Variants in RPS6KC1 observed in about 807,000 individuals in gnomAD.
RPS6KC1 encodes the protein inactive ribosomal protein S6 kinase delta-1.
A neutral mutation model predicts 103.8 loss-of-function variants in RPS6KC1; 54 were observed. The observed-to-expected ratio is 0.52, with a 90% CI of 0.42 to 0.65. RPS6KC1 has a LOEUF of 0.65. RPS6KC1 is among the 30% of genes least tolerant of loss of function. RPS6KC1 has a pLI of 0.00. For synonymous variants in RPS6KC1, 439 were observed against 438.7 expected, an observed-to-expected ratio of 1.00 and a Z score of -0.01; for missense variants, 1,151 against 1,253.8, an observed-to-expected ratio of 0.92 and a Z score of 1.24.
In RPS6KC1 at chr1:213,152,351, G is replaced by A. The variant is rs545580309; in HGVS notation, c.836-15507G>A. On this transcript the variant is annotated intron_variant, in intron 6 of 14. Transcript: ENST00000366960. ...GGCTGACCCCCCCCACCTCCCTCCC[G>A]GACGGGGCGGCTGATGGGGCGGGGG... is the stretch of plus-strand genomic sequence containing the variant. Among the ~76,000 whole-genome samples the A allele has an allele frequency of 8.7e-3, 1,268 of 146,338 alleles. 12 individuals are homozygous for A. The highest frequency in any genetic ancestry group is 0.03 in the African/African-American group (1,207 of 40,708).
the RPS6KC1 span, among the ~76,000 whole-genome samples, chr1:213,859,792 CAATATAGT>C: frequency 2.6e-5 from 4 of 152,146 alleles, no homozygotes; most frequent in Non-Finnish European, 4.4e-5. Context: ...TTTTCTCAAT[CAATATAGT>C]AACACTGCTT....
chr1:213,426,500 A>G, the RPS6KC1 span, among the ~76,000 whole-genome samples: 1 of 152,170 alleles, frequency 6.6e-6, no homozygotes, highest in Non-Finnish European at 1.5e-5. Context: ...TTATTTGTAT[A>G]TCCTTCTATG....
the RPS6KC1 span, among the ~76,000 whole-genome samples, chr1:213,414,583 G>A: frequency 4.6e-5 from 7 of 152,286 alleles, no homozygotes; most frequent in South Asian, 6.2e-4. Flanking sequence ...GTCCCACAGA[G>A]CCTCCAGGAG....
the RPS6KC1 span, among the ~76,000 whole-genome samples, chr1:213,733,644 C>T: frequency 6.9e-6 from 1 of 144,264 alleles, no homozygotes; most frequent in Non-Finnish European, 1.5e-5. Flanking sequence ...AGGTTGGAAA[C>T]TTGACAATTT....
chr1:213,347,108 T>C, the RPS6KC1 span, among the ~76,000 whole-genome samples: 1 of 152,150 alleles, frequency 6.6e-6, no homozygotes, highest in African/African-American at 2.4e-5. Context: ...TTTTCACAGG[T>C]ACAAAAACTA....
chr1:213,707,803 T>G, the RPS6KC1 span, among the ~76,000 whole-genome samples: 1 of 152,352 alleles, frequency 6.6e-6, no homozygotes, highest in Non-Finnish European at 1.5e-5. Flanking sequence ...TAGGGAATCC[T>G]TTCCCCATTA....
intron 6 of RPS6KC1, among the ~76,000 whole-genome samples, chr1:213,150,765 T>G (rs2088631855): frequency 6.6e-6 from 1 of 152,212 alleles, no homozygotes; most frequent in Non-Finnish European, 1.5e-5. Flanking sequence ...TCCCCACCTT[T>G]CCTGCCTTTC....
intron 3 of RPS6KC1, among the ~76,000 whole-genome samples, chr1:213,098,770 C>T (rs1419921746): frequency 1.3e-5 from 2 of 152,120 alleles, no homozygotes; most frequent in African/African-American, 2.4e-5. Flanking sequence ...TTGATTGTGA[C>T]ATTTACCAAA....
chr1:213,817,422 AG>A, the RPS6KC1 span, among the ~76,000 whole-genome samples: 1 of 151,982 alleles, frequency 6.6e-6, no homozygotes, highest in African/African-American at 2.4e-5. Context: ...TATTCCTACA[AG>A]GCACTGGAGG....
the RPS6KC1 span, among the ~76,000 whole-genome samples, chr1:213,676,662 C>T: frequency 6.6e-6 from 1 of 152,186 alleles, no homozygotes; most frequent in Admixed American, 6.5e-5. Flanking sequence ...TCACTTTGCA[C>T]TTTTGAATGA....
In RPS6KC1 at chr1:213,119,874, G is replaced by A. The variant is rs571501852; in HGVS notation, c.472+2464G>A. On this transcript the variant is annotated intron_variant, in intron 5 of 14. Transcript: ENST00000366960. Reference sequence around the variant, plus strand: ...AAAGGAGACACAACCTAAAGCTAGGGTGAGCATGTAGTTTATTCTCCAAAC... The same window carrying A: ...AAAGGAGACACAACCTAAAGCTAGGATGAGCATGTAGTTTATTCTCCAAAC... Among the ~76,000 whole-genome samples, 1,398 of 152,242 alleles carry A rather than the reference G, an allele frequency of 9.2e-3. 41 individuals are homozygous for A. The highest frequency in any genetic ancestry group is 0.068 in the East Asian group (353 of 5,168).
the RPS6KC1 span, among the ~76,000 whole-genome samples, chr1:213,695,640 G>C: frequency 1.7e-3 from 261 of 152,324 alleles, 1 homozygote; most frequent in African/African-American, 5.9e-3. Context: ...TTCTATTCCA[G>C]GACTTATAGG....
downstream of RPS6KC1, among the ~76,000 whole-genome samples, chr1:213,277,314 T>C (rs1468575402): frequency 1.3e-5 from 2 of 152,224 alleles, no homozygotes; most frequent in Non-Finnish European, 2.9e-5. Context: ...GCTGGTGATA[T>C]GTAGTCAGAT....
At chr1:213,506,742 A>C in the RPS6KC1 span, among the ~76,000 whole-genome samples, 44 of 152,304 alleles carry the variant, frequency 2.9e-4, no homozygotes, top group Non-Finnish European at 5.0e-4. Flanking sequence ...GATGATTCTT[A>C]ATTAGCTAGC....
At chr1:213,367,217 T>C in the RPS6KC1 span, among the ~76,000 whole-genome samples, 1 of 152,266 alleles carries the variant, frequency 6.6e-6, no homozygotes, top group African/African-American at 2.4e-5. Flanking sequence ...CTTCTGTTAA[T>C]GCAGCCTAAG....
chr1:213,742,339 A>G, the RPS6KC1 span, among the ~76,000 whole-genome samples: 1 of 152,210 alleles, frequency 6.6e-6, no homozygotes, highest in Non-Finnish European at 1.5e-5. Context: ...TGTGGAGTGA[A>G]ACTGTTACAG....
intron 8 of RPS6KC1, among the ~76,000 whole-genome samples, chr1:213,189,714 T>G (rs1226782321): frequency 6.6e-6 from 1 of 152,202 alleles, no homozygotes; most frequent in Non-Finnish European, 1.5e-5. Context: ...TTGACTATAG[T>G]CATTCTGTTG....
At chr1:213,114,877 C>G (rs572237670) in intron 4 of RPS6KC1, among the ~76,000 whole-genome samples, 4 of 152,214 alleles carry the variant, frequency 2.6e-5, no homozygotes, top group African/African-American at 4.8e-5. Flanking sequence ...ATATATTGAA[C>G]CAGCCTTGCA....
At chr1:213,324,401 C>T in the RPS6KC1 span, among the ~76,000 whole-genome samples, 2 of 152,218 alleles carry the variant, frequency 1.3e-5, no homozygotes, top group South Asian at 4.2e-4. Flanking sequence ...GATATTTAAA[C>T]ATCCAAGATA....
Sources: allele counts gnomAD v4.1 joint callset (sites outside exome capture counted in the v4.1 genomes callset), GRCh38; gene constraint gnomAD v4.1.1; transcripts MANE v1.5; gene names NCBI Gene and HGNC (gene_info 2026-07-23, HGNC 2026-07-21).